Variants in PEX5 observed in about 807,000 individuals in gnomAD.
PEX5 encodes the protein PTS1 receptor.
PEX5 carries 52 observed loss-of-function variants against 82.9 expected under a neutral mutation model. The ratio of observed to expected loss-of-function variants is 0.63; its 90% confidence interval spans 0.50 to 0.79. PEX5 has a LOEUF of 0.79. Ranked by LOEUF, PEX5 falls within the 30% of genes least tolerant of loss-of-function variation. PEX5 has a pLI of 0.00. For missense variants in PEX5, 719 were observed against 815.2 expected (o/e 0.88, Z 1.44); for synonymous variants, 300 against 318.8 (o/e 0.94, Z 0.63).
In PEX5 at chr12:7,199,016, T is replaced by G; in HGVS notation, c.454T>G (p.Leu152Val). ...CACTTCTCTGCTCCTTGCAGACCCC[T>G]TGTCTGTGTCCCCTGCCCGCTGGGC... The part of the protein sequence containing the change: ...QEFISEVTDP[L>V]SVSPARWAEE... The change falls in exon 6 of 16, where the codon TTG (leucine) becomes GTG (valine). Residue 152 changes from leucine (L) to valine (V), a missense_variant. Leu to Val is a conservative substitution (Grantham distance 32, BLOSUM62 1). Coordinates refer to ENST00000675855, the MANE Select transcript of PEX5 (RefSeq NM_001351132.2). The G allele has an allele frequency of 6.3e-7, 1 of 1,594,532 alleles. No homozygotes were observed. Among genetic ancestry groups the G allele is most frequent in the Non-Finnish European group, 8.6e-7 (1 of 1,165,888 alleles).
Position 7,209,706 on chromosome 12 carries a change from A to G in PEX5, c.1584A>G (p.Leu528=). 1.5e-6 allele frequency: 2 copies of G among 1,355,100 alleles called. No homozygotes were observed. Among genetic ancestry groups the G allele is most frequent in the Non-Finnish European group, 1.9e-6 (2 of 1,034,842 alleles). The allele number at this position is 1,355,100 out of a possible 1,614,324, so 83.9% of individuals were successfully genotyped here. Residue 528 remains leucine, a synonymous_variant, in exon 15 of 16, where the codon CTA becomes CTG. Coordinates refer to ENST00000675855, the MANE Select transcript of PEX5 (RefSeq NM_001351132.2). ...AGGACTATTTGCTGTGGAATAAGCT[A>G]GGCGCCACCCTGGCCAATGGAAACC... ...RPNDYLLWNK[L]GATLANGNQS... is the part of the protein sequence containing the mutation.
intron 5 of PEX5, 59 bp downstream of exon 5, chr12:7,191,759 T>G (rs1415185720): frequency 4.0e-6 from 6 of 1,497,782 alleles, no homozygotes; most frequent in Non-Finnish European, 5.6e-6. Context: ...TCTATACCCT[T>G]CCCCTGTTCA....
intron 10 of PEX5, among the ~76,000 whole-genome samples, chr12:7,207,122 G>A (rs768374547): frequency 5.9e-5 from 9 of 152,182 alleles, no homozygotes; most frequent in South Asian, 4.2e-4. Flanking sequence ...GAATGAAATC[G>A]GGGAATAAAT....
Position 7,191,377 on chromosome 12 carries a change from G to A in PEX5, c.316+19G>A. 2 of 1,614,156 alleles carry A rather than the reference G, an allele frequency of 1.2e-6. No homozygotes were observed. Among genetic ancestry groups the A allele is most frequent in the Non-Finnish European group, 1.7e-6 (2 of 1,180,028 alleles). On this transcript the variant is annotated intron_variant, in intron 4 of 15. Transcript: ENST00000675855. ...CAGAGAGGTGAGTCCAGAGTCTAGT[G>A]GGAGGGGAGATCGTTTTCCATGTAG...
Position 7,210,404 on chromosome 12 carries a change from G to A in PEX5, c.*181G>A, listed in dbSNP as rs1945425885. The stretch of plus-strand genomic sequence containing the variant: ...TGTTCTAGTTCCTACATAATTGTAG[G>A]AAAATGAGCTGTGTCATCTCTGAGT... On this transcript the variant is annotated 3_prime_UTR_variant, in exon 16 of 16. Coordinates refer to ENST00000675855, the MANE Select transcript of PEX5 (RefSeq NM_001351132.2). 1 of 657,646 alleles carries A rather than the reference G, an allele frequency of 1.5e-6. No individual in the cohort carries two copies. The highest frequency in any genetic ancestry group is 2.8e-6 in the Non-Finnish European group (1 of 362,608). 40.7% of individuals were successfully genotyped at this position (657,646 alleles called of 1,614,324 possible). A position where few individuals can be genotyped will look rare whatever the true frequency, so the allele number is the denominator to read the frequency against.
intron 6 of PEX5, among the ~76,000 whole-genome samples, chr12:7,199,932 C>G (rs1302977730): frequency 9.7e-6 from 1 of 103,406 alleles, no homozygotes; most frequent in African/African-American, 3.5e-5. Flanking sequence ...GGGGGGCTGA[C>G]CCCCACCTCC....
intron 12 of PEX5, 51 bp downstream of exon 12, chr12:7,208,131 A>T: frequency 7.4e-7 from 1 of 1,356,658 alleles, no homozygotes. Flanking sequence ...TCTGCATATA[A>T]CCTTTTGAAT....
intron 10 of PEX5, among the ~76,000 whole-genome samples, chr12:7,204,042 ATAACT>A (rs1433084249): frequency 6.6e-6 from 1 of 152,238 alleles, no homozygotes; most frequent in Non-Finnish European, 1.5e-5. Context: ...TTTATATTAG[ATAACT>A]TAAATATTAG....
intron 7 of PEX5, 57 bp downstream of exon 7, chr12:7,201,898 TCTTG>T (rs1944107957): frequency 8.2e-7 from 1 of 1,226,518 alleles, no homozygotes; most frequent in African/African-American, 1.5e-5. Context: ...AAGGCAAGAA[TCTTG>T]CTTTTCTTAC....
intron 10 of PEX5, among the ~76,000 whole-genome samples, chr12:7,206,728 A>G (rs1944848004): frequency 6.6e-6 from 1 of 152,152 alleles, no homozygotes; most frequent in African/African-American, 2.4e-5. Flanking sequence ...ATAATGAAAA[A>G]GGGCCTCATG....
rs1436064592 is a variant in PEX5 at position 7,200,489 on chromosome 12, G to A, written c.552-1262G>A. Among the ~76,000 whole-genome samples, 70 of 151,728 alleles carry A rather than the reference G, an allele frequency of 4.6e-4. No homozygotes were observed. In the East Asian group the frequency reaches 0.013, roughly 27 times the overall value. ...CGCTCCTCACTTCCCAGATGGGGTG[G>A]CGGCCAGGCAGAGGCTGCAATCTCG... On this transcript the variant is annotated intron_variant, in intron 6 of 15. Coordinates refer to ENST00000675855, the MANE Select transcript of PEX5 (RefSeq NM_001351132.2).
At chr12:7,204,289 T>C (rs1944494263) in intron 10 of PEX5, among the ~76,000 whole-genome samples, 1 of 152,198 alleles carries the variant, frequency 6.6e-6, no homozygotes, top group South Asian at 2.1e-4. Context: ...TGAGTAGTGA[T>C]GTCTTTTTCT....
downstream of PEX5, among the ~76,000 whole-genome samples, chr12:7,212,207 C>T (rs933333523): frequency 5.3e-5 from 8 of 151,780 alleles, no homozygotes; most frequent in Admixed American, 1.3e-4. Flanking sequence ...TCAGGCAATC[C>T]ACCCACCTCG....
rs1179895752 is a variant in PEX5, at chr12:7,211,123, GATTTCTAGCAA to G, written c.*903_*913del. 2 of 152,712 alleles carry G rather than the reference GATTTCTAGCAA, an allele frequency of 1.3e-5. No individual in the cohort carries two copies. Among genetic ancestry groups the G allele is most frequent in the Non-Finnish European group, 2.9e-5 (2 of 68,104 alleles). 9.5% of individuals were successfully genotyped at this position (152,712 alleles called of 1,614,324 possible). On this transcript the variant is annotated 3_prime_UTR_variant, in exon 16 of 16. Coordinates refer to ENST00000675855, the MANE Select transcript of PEX5 (RefSeq NM_001351132.2). Reference sequence around the variant, plus strand: ...TGGTTCAGAAAGTGCAATCTTGCCAGATTTCTAGCAAATAGGTTCAGTGTTACCATAAGCCT... The same window carrying G: ...TGGTTCAGAAAGTGCAATCTTGCCAGATAGGTTCAGTGTTACCATAAGCCT...
chr12:7,208,402 A>G, intron 12 of PEX5, 55 bp from the exon 13 acceptor site: 2 of 1,360,514 alleles, frequency 1.5e-6, no homozygotes, highest in Non-Finnish European at 2.1e-6. Context: ...GGGTGCTCAC[A>G]TGTGCCAGTG....
chr12:7,200,030 G>C (rs185563613), intron 6 of PEX5, among the ~76,000 whole-genome samples: 1,770 of 40,168 alleles, frequency 0.044, 28 homozygotes, highest in Admixed American at 0.088. Context: ...GGGCTGACCC[G>C]CACCTCCCTC....
At position 7,211,111 on chromosome 12, in the gene PEX5, G is replaced by T. The variant is rs779267201; in HGVS notation, c.*888G>T. On this transcript the variant is annotated 3_prime_UTR_variant, in exon 16 of 16. Transcript: ENST00000675855. ...GTTATAGAAAATTGGTTCAGAAAGT[G>T]CAATCTTGCCAGATTTCTAGCAAAT... 6.5e-6 allele frequency: 1 copy of T among 152,710 alleles called. No homozygotes were observed. The highest frequency in any genetic ancestry group is 1.5e-5 in the Non-Finnish European group (1 of 68,100). 9.5% of individuals were successfully genotyped at this position (152,710 alleles called of 1,614,324 possible).
At chr12:7,202,765 G>A (rs1370309689) in intron 9 of PEX5, 61 bp downstream of exon 9, 3 of 1,103,838 alleles carry the variant, frequency 2.7e-6, no homozygotes, top group African/African-American at 3.1e-5. Context: ...GAGTGAGTGG[G>A]TGTATGAACA....
At chr12:7,193,754 C>T (rs757780662) in intron 5 of PEX5, among the ~76,000 whole-genome samples, 20 of 152,238 alleles carry the variant, frequency 1.3e-4, no homozygotes, top group Admixed American at 1.3e-3. Flanking sequence ...GCTGTAATTA[C>T]CTGAATTGCA....
Sources: gnomAD v4.1 joint callset for allele counts (sites outside exome capture counted in the v4.1 genomes callset) on GRCh38, gnomAD v4.1.1 for gene constraint, MANE v1.5 for transcripts, NCBI Gene and HGNC (gene_info 2026-07-23, HGNC 2026-07-21) for gene names.